The following ARPP21 variants were observed in gnomAD, a reference collection of about 807,000 sequenced individuals.
ARPP21 encodes the protein cAMP-regulated phosphoprotein 21.
ARPP21 carries 69 observed loss-of-function variants against 113.2 expected under a neutral mutation model. The observed-to-expected ratio is 0.61, with a 90% CI of 0.50 to 0.74. ARPP21 has a LOEUF of 0.74. Ranked by LOEUF, ARPP21 falls within the 30% of genes least tolerant of loss-of-function variation. The probability of loss-of-function intolerance (pLI) is 0.00; values close to 1 mark genes in which losing one functional copy is unlikely to be tolerated. For synonymous variants in ARPP21, 368 were observed against 375.5 expected, an observed-to-expected ratio of 0.98 and a Z score of 0.23; for missense variants, 1,070 against 1,037.4, an observed-to-expected ratio of 1.03 and a Z score of -0.43.
intron 1 of ARPP21, among the ~76,000 whole-genome samples, chr3:35,676,153 T>A (rs570972067): frequency 2.0e-5 from 3 of 152,118 alleles, no homozygotes; most frequent in South Asian, 4.1e-4. Context: ...GTTATACAAG[T>A]GAAGAAATAA....
intron 1 of ARPP21, among the ~76,000 whole-genome samples, chr3:35,671,422 T>C (rs138987173): frequency 4.6e-5 from 7 of 152,290 alleles, no homozygotes; most frequent in East Asian, 1.9e-4. Flanking sequence ...TCTTGAACAC[T>C]TACATTTTTT....
chr3:35,699,320 T>C (rs2085337587), intron 9 of ARPP21, among the ~76,000 whole-genome samples: 1 of 151,742 alleles, frequency 6.6e-6, no homozygotes, highest in African/African-American at 2.4e-5. Flanking sequence ...GCCCAGTACC[T>C]GAGGGTTTCC....
At chr3:35,677,173 C>A (rs577087708) in intron 1 of ARPP21, among the ~76,000 whole-genome samples, 1 of 151,962 alleles carries the variant, frequency 6.6e-6, no homozygotes, top group East Asian at 1.9e-4. Context: ...AAAAATTTAC[C>A]TTTAATTTCC....
chr3:35,659,401 A>T (rs1298728626), intron 1 of ARPP21, among the ~76,000 whole-genome samples: 1 of 152,188 alleles, frequency 6.6e-6, no homozygotes, highest in Non-Finnish European at 1.5e-5. Context: ...AAAAATTAAT[A>T]CACCTTTCTG....
intron 18 of ARPP21, among the ~76,000 whole-genome samples, chr3:35,743,449 A>AATTG (rs2094804188): frequency 1.3e-5 from 2 of 152,164 alleles, no homozygotes; most frequent in African/African-American, 2.4e-5. Flanking sequence ...ACTGGAGGGT[A>AATTG]ACCAGTCAAT....
At chr3:35,683,000 T>C (rs964350176) in intron 4 of ARPP21, 111 bp downstream of exon 4, 2 of 1,082,354 alleles carry the variant, frequency 1.8e-6, no homozygotes, top group Non-Finnish European at 2.7e-6. Context: ...CCAGATATTG[T>C]GGGGCATCTC....
chr3:35,676,160 A>G (rs115458959), intron 1 of ARPP21, among the ~76,000 whole-genome samples: 1,733 of 152,122 alleles, frequency 0.011, 31 homozygotes, highest in African/African-American at 0.039. Flanking sequence ...AAGTGAAGAA[A>G]TAAAACACTG....
At chr3:35,661,204 A>G (rs1183172562) in intron 1 of ARPP21, among the ~76,000 whole-genome samples, 1 of 152,198 alleles carries the variant, frequency 6.6e-6, no homozygotes, top group Admixed American at 6.5e-5. Context: ...ACCAATTTAA[A>G]TACAAATCTC....
At chr3:35,681,685 C>G in intron 2 of ARPP21, 29 bp from the exon 3 acceptor site, 1 of 1,268,240 alleles carries the variant, frequency 7.9e-7, no homozygotes, top group African/African-American at 1.5e-5. Flanking sequence ...CTTGCACTGA[C>G]TTTATTTTCT....
chr3:35,752,721 T>G (rs1457153271), intron 19 of ARPP21, among the ~76,000 whole-genome samples: 1 of 152,092 alleles, frequency 6.6e-6, no homozygotes, highest in African/African-American at 2.4e-5. Context: ...CTGGCGCTAC[T>G]GGTCTACTGT....
At chr3:35,759,672 C>CTGTGTG (rs1468740553) in intron 19 of ARPP21, among the ~76,000 whole-genome samples, 418 of 119,732 alleles carry the variant, frequency 3.5e-3, no homozygotes, top group African/African-American at 0.011. Flanking sequence ...TTCATTTTCT[C>CTGTGTG]TCTCTGTGTG....
intron 19 of ARPP21, among the ~76,000 whole-genome samples, chr3:35,785,831 G>A (rs1253086063): frequency 6.6e-6 from 1 of 152,116 alleles, no homozygotes; most frequent in African/African-American, 2.4e-5. Flanking sequence ...GGATAGACAG[G>A]CCATTACTAG....
At chr3:35,783,772 C>T (rs1471969480) in intron 19 of ARPP21, among the ~76,000 whole-genome samples, 2 of 152,148 alleles carry the variant, frequency 1.3e-5, no homozygotes, top group African/African-American at 4.8e-5. Context: ...GAGCCTAGCT[C>T]CATTTCTATC....
chr3:35,748,067 G>GAAGAAAGGAAGAAAGAAAGA (rs2095203076), intron 19 of ARPP21, among the ~76,000 whole-genome samples: 2 of 86,958 alleles, frequency 2.3e-5, no homozygotes, highest in South Asian at 8.9e-4. Context: ...AAGAAGGAAG[G>GAAGAAAGGAAGAAAGAAAGA]AAGAAAGAAA....
chr3:35,739,485 G>A lies in ARPP21; in HGVS notation c.1918G>A (p.Gly640Arg). 1.9e-6 allele frequency: 3 copies of A among 1,614,102 alleles called. No homozygotes were observed. Among genetic ancestry groups the A allele is most frequent in the Middle Eastern group, 1.6e-4 (1 of 6,062 alleles). ...ASTGQQLPTG[G>R]FSGSGPPISQ... Reference sequence around the variant, plus strand: ...TACAGGCCAGCAGCTTCCTACAGGAGGATTCTCAGGCTCTGGCCCTCCCAT... The same window carrying A: ...TACAGGCCAGCAGCTTCCTACAGGAAGATTCTCAGGCTCTGGCCCTCCCAT... The change falls in exon 18 of 21, where the codon GGA becomes AGA. Residue 640 changes from glycine to arginine, a missense_variant. Physicochemically the swap from Gly to Arg is moderately radical, Grantham distance 125. Transcript: ENST00000684406.
chr3:35,712,665 T>A (rs1238246761), intron 11 of ARPP21, among the ~76,000 whole-genome samples: 1 of 151,912 alleles, frequency 6.6e-6, no homozygotes. Context: ...AAAATTCAAA[T>A]CCACTTTGAG....
chr3:35,696,251 T>G (rs2083979502), intron 9 of ARPP21, among the ~76,000 whole-genome samples: 1 of 151,594 alleles, frequency 6.6e-6, no homozygotes, highest in Admixed American at 6.6e-5. Flanking sequence ...GGAACATTTA[T>G]GAAAAGTAGG....
At chr3:35,746,645 T>G (rs2095073293) in intron 19 of ARPP21, among the ~76,000 whole-genome samples, 1 of 152,218 alleles carries the variant, frequency 6.6e-6, no homozygotes, top group African/African-American at 2.4e-5. Flanking sequence ...CACCAGATTA[T>G]GTCATAACAT....
At chr3:35,791,481 C>A (rs1490040015) in intron 19 of ARPP21, among the ~76,000 whole-genome samples, 1 of 152,014 alleles carries the variant, frequency 6.6e-6, no homozygotes, top group Non-Finnish European at 1.5e-5. Flanking sequence ...GTGTCATTTT[C>A]ACCTAAATCA....
Sources: gnomAD v4.1 joint callset for allele counts (sites outside exome capture counted in the v4.1 genomes callset) on GRCh38, gnomAD v4.1.1 for gene constraint, MANE v1.5 for transcripts, NCBI Gene and HGNC (gene_info 2026-07-23, HGNC 2026-07-21) for gene names.